Variants in PHACTR4 observed in about 807,000 individuals in gnomAD.
PHACTR4 encodes protein phosphatase 1, regulatory subunit 124.
In PHACTR4, 51 loss-of-function variants were observed where a neutral mutation model predicts 72.7. That is an observed-to-expected ratio of 0.70 (90% confidence interval 0.56 to 0.89). PHACTR4 has a LOEUF of 0.89. PHACTR4 is among the 40% of genes least tolerant of loss of function. The pLI is 0.00. For missense variants in PHACTR4, 731 were observed against 861.8 expected (o/e 0.85, Z 1.90); for synonymous variants, 255 against 302.5 (o/e 0.84, Z 1.63).
At chr1:28,386,692 A>G (rs1186336438) in intron 1 of PHACTR4, among the ~76,000 whole-genome samples, 5 of 152,076 alleles carry the variant, frequency 3.3e-5, no homozygotes, top group African/African-American at 9.7e-5. Context: ...TTTCAGTAGC[A>G]ATTGATTTGT....
rs776440981 is a variant in PHACTR4, at chr1:28,489,233, C to T, written c.1816+8C>T. ...AACGCAATATATTGCAACGTGAGTC[C>T]AGTTATGGAAATAAAGTTGTATAGA... On this transcript the variant is annotated splice_region_variant and intron_variant, in intron 10 of 13. Coordinates refer to ENST00000373839, the MANE Select transcript of PHACTR4 (RefSeq NM_001048183.3). The T allele has an allele frequency of 6.2e-7, 1 of 1,605,666 alleles. No individual in the cohort carries two copies. Among genetic ancestry groups the T allele is most frequent in the Admixed American group, 1.7e-5 (1 of 59,558 alleles).
chr1:28,462,102 G>A (rs1029518564), intron 4 of PHACTR4, among the ~76,000 whole-genome samples: 1 of 151,400 alleles, frequency 6.6e-6, no homozygotes, highest in Non-Finnish European at 1.5e-5. Context: ...CCATCTGCTG[G>A]GTTCAAGCAA....
intron 9 of PHACTR4, among the ~76,000 whole-genome samples, chr1:28,487,724 G>T (rs867111832): frequency 0.039 from 2,797 of 71,218 alleles, 164 homozygotes; most frequent in African/African-American, 0.15. Flanking sequence ...GTAGTTTTTT[G>T]TTGTTTTTTT....
chr1:28,465,575 AC>A, intron 4 of PHACTR4, 109 bp from the exon 5 acceptor site: 1 of 1,146,818 alleles, frequency 8.7e-7, no homozygotes, highest in Non-Finnish European at 1.2e-6. Context: ...ACATAGTGAG[AC>A]CCTGTCTCAA....
rs1658604933 is a variant in PHACTR4, at chr1:28,458,978, G to A, written c.17-107G>A. The A allele has an allele frequency of 1.5e-5, 15 of 990,496 alleles. 1 individual carries two copies. In the South Asian group the frequency reaches 2.8e-4, roughly 19 times the overall value. The allele number at this position is 990,496 out of a possible 1,614,324, so 61.4% of individuals were successfully genotyped here. A position where few individuals can be genotyped will look rare whatever the true frequency, so the allele number is the denominator to read the frequency against. On this transcript the variant is annotated intron_variant, in intron 2 of 13. Transcript: ENST00000373839. ...CCTGTCTGCATGATTGTTTATCGTT[G>A]CTCCGATCCTTTCCAACTACCACAG...
intron 2 of PHACTR4, among the ~76,000 whole-genome samples, chr1:28,416,896 A>T (rs543984410): frequency 2.0e-5 from 3 of 152,256 alleles, no homozygotes; most frequent in African/African-American, 4.8e-5. Context: ...TTAACCAAAG[A>T]TTAGGTTTTA....
chr1:28,439,114 A>G (rs1269587308), intron 2 of PHACTR4, among the ~76,000 whole-genome samples: 2 of 152,194 alleles, frequency 1.3e-5, no homozygotes, highest in East Asian at 1.9e-4. Context: ...TTATATGACA[A>G]TCATAAATTG....
chr1:28,468,465 A>G (rs1659354794), intron 6 of PHACTR4, among the ~76,000 whole-genome samples: 1 of 152,006 alleles, frequency 6.6e-6, no homozygotes, highest in Non-Finnish European at 1.5e-5. Context: ...GGTGGTAGGC[A>G]CCTGTAATCC....
At chr1:28,390,321 A>T (rs1364957252) in intron 1 of PHACTR4, among the ~76,000 whole-genome samples, 1 of 152,282 alleles carries the variant, frequency 6.6e-6, no homozygotes, top group Non-Finnish European at 1.5e-5. Flanking sequence ...ATGGCTGGCC[A>T]CATGCTTTTA....
At chr1:28,437,653 A>G (rs1017025762) in intron 2 of PHACTR4, among the ~76,000 whole-genome samples, 8 of 152,158 alleles carry the variant, frequency 5.3e-5, no homozygotes, top group African/African-American at 1.9e-4. Flanking sequence ...GTAGCCTCAC[A>G]TGATGGAAAA....
At chr1:28,487,740 T>TG (rs1660786557) in intron 9 of PHACTR4, among the ~76,000 whole-genome samples, 2 of 134,230 alleles carry the variant, frequency 1.5e-5, no homozygotes, top group Admixed American at 7.4e-5. Context: ...TTTTTTTTTT[T>TG]TTTTTTTTTT....
At chr1:28,491,132 G>T (rs1419467260) in intron 11 of PHACTR4, 120 bp downstream of exon 11, 2 of 993,412 alleles carry the variant, frequency 2.0e-6, no homozygotes, top group African/African-American at 3.2e-5. Flanking sequence ...ACTTTGGAAG[G>T]CCATGGCAGG....
At chr1:28,490,925 T>G (rs1284446922) in intron 10 of PHACTR4, 26 bp from the exon 11 acceptor site, 1 of 1,603,760 alleles carries the variant, frequency 6.2e-7, no homozygotes, top group East Asian at 2.2e-5. Flanking sequence ...TGAGTAATAT[T>G]CCTTCCTTCT....
At chr1:28,370,556 A>G (rs1651158616) in intron 1 of PHACTR4, among the ~76,000 whole-genome samples, 1 of 145,918 alleles carries the variant, frequency 6.9e-6, no homozygotes, top group Admixed American at 7.0e-5. Context: ...ATGGCAGTTC[A>G]CGCACCTCCC....
intron 8 of PHACTR4, among the ~76,000 whole-genome samples, chr1:28,480,057 A>C (rs1416767819): frequency 1.3e-5 from 2 of 152,236 alleles, no homozygotes; most frequent in Non-Finnish European, 2.9e-5. Flanking sequence ...ACATCTTTGC[A>C]AATAATTGAG....
intron 6 of PHACTR4, among the ~76,000 whole-genome samples, chr1:28,470,810 G>T (rs924185574): frequency 4.6e-5 from 7 of 152,040 alleles, no homozygotes; most frequent in African/African-American, 1.7e-4. Context: ...TATCACTGGA[G>T]CCCAGGACCT....
Position 28,459,099 on chromosome 1 carries a change from C to G in PHACTR4, c.31C>G (p.Pro11Ala), listed in dbSNP as rs912765475. Residue 11 changes from proline (P) to alanine (A), a missense_variant, in exon 3 of 14, where the codon CCC becomes GCC. Transcript: ENST00000373839. ...TCATGTAACAGAGGAAGCAGACCAG[C>G]CCACTACAGAGCCAGGCATGGTCCT... is the stretch of plus-strand genomic sequence containing the variant. MEDPFEEADQ[P>A]TTEPGMVLDS... 1.9e-6 allele frequency: 3 copies of G among 1,610,732 alleles called. No homozygotes were observed. The highest frequency in any genetic ancestry group is 2.5e-6 in the Non-Finnish European group (3 of 1,178,694).
intron 9 of PHACTR4, 35 bp from the exon 10 acceptor site, chr1:28,489,135 A>T: frequency 6.3e-7 from 1 of 1,581,496 alleles, no homozygotes; most frequent in Non-Finnish European, 8.7e-7. Context: ...TGGGAGGTTT[A>T]ACATAAACAT....
At chr1:28,381,113 A>G (rs1006994528) in intron 1 of PHACTR4, among the ~76,000 whole-genome samples, 4 of 149,146 alleles carry the variant, frequency 2.7e-5, no homozygotes, top group Admixed American at 6.8e-5. Context: ...GGTTCAAGCA[A>G]TTCTCCTCTC....
Sources: allele counts gnomAD v4.1 joint callset (sites outside exome capture counted in the v4.1 genomes callset), GRCh38; gene constraint gnomAD v4.1.1; transcripts MANE v1.5; gene names NCBI Gene and HGNC (gene_info 2026-07-23, HGNC 2026-07-21).